CFAP299: variants seen among roughly 807,000 people sequenced by gnomAD.
CFAP299 encodes the protein cilia- and flagella-associated protein 299.
CFAP299 carries 21 observed loss-of-function variants against 27.0 expected under a neutral mutation model. The ratio of observed to expected loss-of-function variants is 0.78; its 90% CI spans 0.55 to 1.12. CFAP299 has a LOEUF of 1.12. Among genes scored for constraint, CFAP299 ranks in the 50% most tolerant of loss-of-function variants. The pLI, the probability that CFAP299 is intolerant of heterozygous loss-of-function variation, is 0.00. For synonymous variants in CFAP299, 104 were observed against 98.1 expected (o/e 1.06, Z -0.36); for missense variants, 310 against 276.6 (o/e 1.12, Z -0.86).
At chr4:80,782,664 CATATATA>C (rs1560749224) in intron 3 of CFAP299, among the ~76,000 whole-genome samples, 1 of 117,124 alleles carries the variant, frequency 8.5e-6, no homozygotes, top group African/African-American at 3.2e-5. Context: ...ATAATATATT[CATATATA>C]ATATACATAT....
intron 3 of CFAP299, among the ~76,000 whole-genome samples, chr4:80,607,909 C>T (rs1353186916): frequency 6.6e-6 from 1 of 152,106 alleles, no homozygotes; most frequent in Non-Finnish European, 1.5e-5. Flanking sequence ...GTGGGGCCAA[C>T]TTGGAAATTA....
chr4:80,714,113 C>T (rs1186423661), intron 3 of CFAP299, among the ~76,000 whole-genome samples: 2 of 152,044 alleles, frequency 1.3e-5, no homozygotes, highest in Admixed American at 6.6e-5. Flanking sequence ...AATGCTGTCT[C>T]GCTCCTTGAG....
intron 2 of CFAP299, among the ~76,000 whole-genome samples, chr4:80,483,099 TA>T: frequency 6.6e-6 from 1 of 152,326 alleles, no homozygotes; most frequent in South Asian, 2.1e-4. Context: ...GCATTCAATG[TA>T]ATCACAAAGG....
At position 80,660,570 on chromosome 4, in the gene CFAP299, A is replaced by G. The variant is rs1219267120; in HGVS notation, c.333+77387A>G. Among the ~76,000 whole-genome samples the G allele has an allele frequency of 5.3e-5, 8 of 152,302 alleles. No homozygotes were observed. The East Asian group carries it at 1.5e-3, about 29-fold the overall frequency. On this transcript the variant is annotated intron_variant, in intron 3 of 5. Coordinates refer to ENST00000358105, the MANE Select transcript of CFAP299 (RefSeq NM_152770.3). Reference sequence around the variant, plus strand: ...CTTACATTTGCTTTAACAAAACAAAACTGTTAATATAATTAAGTGTTTTAA... The same window carrying G: ...CTTACATTTGCTTTAACAAAACAAAGCTGTTAATATAATTAAGTGTTTTAA...
At chr4:80,839,377 G>GA (rs1730741489) in intron 3 of CFAP299, among the ~76,000 whole-genome samples, 1 of 152,062 alleles carries the variant, frequency 6.6e-6, no homozygotes, top group Non-Finnish European at 1.5e-5. Context: ...CATGGGGAAG[G>GA]AAATACTGTC....
chr4:80,805,097 A>G (rs1728798033), intron 3 of CFAP299, among the ~76,000 whole-genome samples: 1 of 152,088 alleles, frequency 6.6e-6, no homozygotes, highest in Admixed American at 6.6e-5. Context: ...CATTTTATAA[A>G]TATAAAATTG....
intron 3 of CFAP299, among the ~76,000 whole-genome samples, chr4:80,693,420 C>A (rs1720872089): frequency 6.6e-6 from 1 of 151,318 alleles, no homozygotes; most frequent in African/African-American, 2.4e-5. Flanking sequence ...AATTGGAAAT[C>A]ATCATTCTCA....
chr4:80,907,521 T>C (rs1018555720), intron 4 of CFAP299, among the ~76,000 whole-genome samples: 1 of 152,152 alleles, frequency 6.6e-6, no homozygotes, highest in Non-Finnish European at 1.5e-5. Flanking sequence ...TTTTAGTTGA[T>C]TGACAGTCCT....
At chr4:80,372,089 G>A (rs1035302778) in intron 2 of CFAP299, among the ~76,000 whole-genome samples, 9 of 152,182 alleles carry the variant, frequency 5.9e-5, no homozygotes. Context: ...AGGAAACAGG[G>A]CAACATTTGC....
intron 2 of CFAP299, among the ~76,000 whole-genome samples, chr4:80,479,566 G>C (rs560199303): frequency 6.6e-6 from 1 of 151,868 alleles, no homozygotes; most frequent in Non-Finnish European, 1.5e-5. Flanking sequence ...CAATTGTTAG[G>C]TAAAATGAGG....
At chr4:80,932,647 ATG>A (rs1736679078) in intron 4 of CFAP299, among the ~76,000 whole-genome samples, 1 of 152,226 alleles carries the variant, frequency 6.6e-6, no homozygotes, top group Non-Finnish European at 1.5e-5. Flanking sequence ...ATAAAAAAAC[ATG>A]TTTTAGCATT....
intron 2 of CFAP299, among the ~76,000 whole-genome samples, chr4:80,512,078 A>C (rs1732332860): frequency 6.6e-6 from 1 of 152,160 alleles, no homozygotes; most frequent in Non-Finnish European, 1.5e-5. Context: ...TAAGTCGTTC[A>C]ACTCTTTCAG....
chr4:80,535,344 A>ATATCACTCTCTAGCCATGTTTCTGG (rs775384992), intron 2 of CFAP299, among the ~76,000 whole-genome samples: 8 of 132,962 alleles, frequency 6.0e-5, no homozygotes, highest in South Asian at 2.5e-4. Context: ...GAAGAGCTTC[A>ATATCACTCTCTAGCCATGTTTCTGG]ATTAGCCGGG....
intron 2 of CFAP299, among the ~76,000 whole-genome samples, chr4:80,504,501 A>ATATATATG (rs1553929241): frequency 8.2e-6 from 1 of 121,520 alleles, no homozygotes; most frequent in Non-Finnish European, 1.7e-5. Context: ...ATATATATAT[A>ATATATATG]TATATTTTCC....
intron 2 of CFAP299, among the ~76,000 whole-genome samples, chr4:80,556,391 T>G (rs906130803): frequency 1.3e-5 from 2 of 152,066 alleles, no homozygotes; most frequent in Non-Finnish European, 2.9e-5. Flanking sequence ...TTTATTTTTG[T>G]GGCATACAAC....
rs539438445 is a variant in CFAP299, at chr4:80,752,548, CT to C, written c.334-117439del. ...TTTATGTCTTTATACTTAAGGTGTG[CT>C]TTTTTGTAGACAGCATATAGTTGGG... On this transcript the variant is annotated intron_variant, in intron 3 of 5. Coordinates refer to ENST00000358105, the MANE Select transcript of CFAP299 (RefSeq NM_152770.3). Among the ~76,000 whole-genome samples the C allele has an allele frequency of 6.3e-3, 946 of 149,978 alleles. 6 individuals are homozygous for C. The highest frequency in any genetic ancestry group is 0.022 in the African/African-American group (892 of 41,034).
chr4:80,616,680 A>G (rs1369136733), intron 3 of CFAP299, among the ~76,000 whole-genome samples: 5 of 152,142 alleles, frequency 3.3e-5, no homozygotes, highest in African/African-American at 1.2e-4. Context: ...AACCCTCATT[A>G]TACTTCTCGG....
At chr4:80,702,989 G>A (rs1232370156) in intron 3 of CFAP299, among the ~76,000 whole-genome samples, 1 of 151,746 alleles carries the variant, frequency 6.6e-6, no homozygotes. Context: ...ATATGCAGCT[G>A]TCTCTTTCTT....
chr4:80,736,034 C>T (rs937569239), intron 3 of CFAP299, among the ~76,000 whole-genome samples: 1 of 151,952 alleles, frequency 6.6e-6, no homozygotes, highest in Non-Finnish European at 1.5e-5. Flanking sequence ...TGAAGGTTGC[C>T]TGTTCACTCT....
Sources: gnomAD v4.1 joint callset for allele counts (sites outside exome capture counted in the v4.1 genomes callset) on GRCh38, gnomAD v4.1.1 for gene constraint, MANE v1.5 for transcripts, NCBI Gene and HGNC (gene_info 2026-07-23, HGNC 2026-07-21) for gene names.